ZNF419: variants seen among roughly 807,000 people sequenced by gnomAD.
ZNF419 encodes the protein zinc finger protein 419A.
Under a neutral mutation model 14.9 loss-of-function variants are expected in ZNF419, and 8 were observed. The observed-to-expected ratio is 0.54, with a 90% confidence interval of 0.32 to 0.97. The LOEUF (loss-of-function observed/expected upper bound fraction) is 0.97. Among genes scored for constraint, ZNF419 ranks in the 50% least tolerant of loss-of-function variants. The pLI is 0.04. For missense variants in ZNF419, 595 were observed against 607.2 expected (o/e 0.98, Z 0.21); for synonymous variants, 211 against 205.3 (o/e 1.03, Z -0.24).
chr19:57,490,329 G>C, intron 2 of ZNF419, 144 bp downstream of exon 2: 1 of 668,762 alleles, frequency 1.5e-6, no homozygotes, highest in Non-Finnish European at 2.6e-6. Flanking sequence ...ACACAGTCAG[G>C]GCCCTGAGTC....
At position 57,494,716 on chromosome 19, in the gene ZNF419, C is replaced by T. The variant is rs1369661281; in HGVS notation, c.*626C>T. The stretch of plus-strand genomic sequence containing the variant: ...GAATTGTGTTTTTATAATTTTCACC[C>T]TTTTGGCTGTGTAACAGGTCTGCAA... On this transcript the variant is annotated 3_prime_UTR_variant, in exon 5 of 5. Transcript: ENST00000221735. 5 of 177,370 alleles carry T rather than the reference C, an allele frequency of 2.8e-5. No homozygotes were observed. The highest frequency in any genetic ancestry group is 1.2e-4 in the African/African-American group (5 of 42,378). The allele number at this position is 177,370 out of a possible 1,614,324, so 11.0% of individuals were successfully genotyped here.
chr19:57,489,361 C>G (rs1465847183), intron 1 of ZNF419: 1 of 151,964 alleles, frequency 6.6e-6, no homozygotes, highest in African/African-American at 2.4e-5. Flanking sequence ...GTAAGCACTT[C>G]ATAATTGGTT....
chr19:57,489,828 CT>C (rs1383197536), intron 1 of ZNF419: 1 of 237,476 alleles, frequency 4.2e-6, no homozygotes, highest in African/African-American at 2.3e-5. Context: ...TTTATTTGCG[CT>C]GAAAATGTTG....
rs1222805533 is a variant in ZNF419, at chr19:57,494,723, C to G, written c.*633C>G. ...GTTTTTATAATTTTCACCCTTTTGG[C>G]TGTGTAACAGGTCTGCAAAGCTCCT... On this transcript the variant is annotated 3_prime_UTR_variant, in exon 5 of 5. Coordinates refer to ENST00000221735, the MANE Select transcript of ZNF419 (RefSeq NM_024691.4). 5.6e-6 allele frequency: 1 copy of G among 177,440 alleles called. No homozygotes were observed. Among genetic ancestry groups the G allele is most frequent in the African/African-American group, 2.4e-5 (1 of 42,522 alleles). The allele number at this position is 177,440 out of a possible 1,614,324, so 11.0% of individuals were successfully genotyped here.
intron 3 of ZNF419, 147 bp downstream of exon 3, chr19:57,491,744 G>C (rs1478308885): frequency 8.5e-7 from 1 of 1,171,736 alleles, no homozygotes; most frequent in Non-Finnish European, 1.2e-6. Flanking sequence ...AATAGGCCTG[G>C]GCTGTGTATA....
intron 1 of ZNF419, chr19:57,488,957 G>C (rs1041325307): frequency 3.3e-5 from 5 of 152,314 alleles, no homozygotes; most frequent in Non-Finnish European, 5.9e-5. Flanking sequence ...AGAGTATGAA[G>C]ACCCAGGACT....
Position 57,494,322 on chromosome 19 carries a change from C to A in ZNF419, c.*232C>A. The A allele has an allele frequency of 1.7e-6, 1 of 599,632 alleles. No homozygotes were observed. Among genetic ancestry groups the A allele is most frequent in the Non-Finnish European group, 2.7e-6 (1 of 364,068 alleles). The allele number at this position is 599,632 out of a possible 1,614,324, so 37.1% of individuals were successfully genotyped here. A position where few individuals can be genotyped will look rare whatever the true frequency, so the allele number is the denominator to read the frequency against. ...ACACTGGAGAAAGGCCTTAGGGTGA[C>A]AGGTTATGTACTGTCTCTGAATCAA... is the stretch of plus-strand genomic sequence containing the variant. On this transcript the variant is annotated 3_prime_UTR_variant, in exon 5 of 5. Transcript: ENST00000221735.
rs1159137584 is a variant in ZNF419 at position 57,495,387 on chromosome 19, T to G, written c.*1297T>G. 1.3e-5 allele frequency: 2 copies of G among 152,212 alleles called. No individual in the cohort carries two copies. The highest frequency in any genetic ancestry group is 2.4e-5 in the African/African-American group (1 of 41,468). The allele number at this position is 152,212 out of a possible 1,614,324, so 9.4% of individuals were successfully genotyped here. The stretch of plus-strand genomic sequence containing the variant: ...TATCCATTTGTTATTTTATTCATTG[T>G]GCATTTGGTGTTGCATCCTCTTACT... On this transcript the variant is annotated 3_prime_UTR_variant, in exon 5 of 5. Transcript: ENST00000221735.
rs747854839 is a variant in ZNF419 at position 57,493,869 on chromosome 19, C to G, written c.1312C>G (p.Gln438Glu). Residue 438 changes from glutamine to glutamate, a missense_variant, in exon 5 of 5, where the codon CAA (glutamine) becomes GAA (glutamate). Gln to Glu is a conservative substitution (Grantham distance 29). Transcript: ENST00000221735. ...ECRECGKFFS[Q>E]SSTLMQHRKV... ...CAGGGAATGTGGGAAATTTTTTAGCCAAAGCTCAACCCTCATGCAACATCG... is the reference window on the plus strand; with the variant it reads ...CAGGGAATGTGGGAAATTTTTTAGCGAAAGCTCAACCCTCATGCAACATCG... The G allele has an allele frequency of 4.3e-6, 7 of 1,613,802 alleles. No individual in the cohort carries two copies. The highest frequency in any genetic ancestry group is 5.9e-6 in the Non-Finnish European group (7 of 1,179,902).
chr19:57,492,618 C>G, intron 4 of ZNF419: 1 of 757,354 alleles, frequency 1.3e-6, no homozygotes. Flanking sequence ...GACACTGCCT[C>G]TCCTCCCTGT....
At chr19:57,491,740 C>A (rs1256878748) in intron 3 of ZNF419, 143 bp downstream of exon 3, 3 of 1,212,746 alleles carry the variant, frequency 2.5e-6, no homozygotes, top group African/African-American at 1.5e-5. Context: ...TTGTAATAGG[C>A]CTGGGCTGTG....
chr19:57,492,376 T>C (rs1221519616), intron 4 of ZNF419, 165 bp downstream of exon 4: 2 of 847,996 alleles, frequency 2.4e-6, no homozygotes, highest in Admixed American at 1.7e-5. Context: ...CCTAGGGCCA[T>C]TCCCCACCTC....
intron 2 of ZNF419, chr19:57,491,129 T>C (rs1258949165): frequency 2.8e-5 from 9 of 317,868 alleles, no homozygotes; most frequent in Non-Finnish European, 4.2e-5. Context: ...TGTAAACAGA[T>C]GTCCCCAGGA....
At position 57,490,190 on chromosome 19, in the gene ZNF419, G is replaced by A. The variant is rs2089451129; in HGVS notation, c.72+5G>A. The A allele has an allele frequency of 6.2e-7, 1 of 1,613,228 alleles. No homozygotes were observed. The highest frequency in any genetic ancestry group is 1.1e-5 in the South Asian group (1 of 90,770). ...TTGCTTACAGACCATGAGGAGGTAA[G>A]TGGAGGATGTCTCAGGTCCTCACAC... On this transcript the variant is annotated splice_donor_5th_base_variant and intron_variant, in intron 2 of 4. Transcript: ENST00000221735.
chr19:57,488,089 C>G (rs2089399699), intron 1 of ZNF419, 106 bp downstream of exon 1: 1 of 1,530,248 alleles, frequency 6.5e-7, no homozygotes, highest in Non-Finnish European at 8.9e-7. Flanking sequence ...CGCGGCGTCC[C>G]GTTTCTGACA....
rs1320831206 is a variant in ZNF419 at position 57,494,583 on chromosome 19, G to C, written c.*493G>C. Reference sequence around the variant, plus strand: ...TGAGTTTGGAGTTGGGGGAGGAAAGGAGTGGTCTTGGTTCAAATGTGACTC... The same window carrying C: ...TGAGTTTGGAGTTGGGGGAGGAAAGCAGTGGTCTTGGTTCAAATGTGACTC... On this transcript the variant is annotated 3_prime_UTR_variant, in exon 5 of 5. Transcript: ENST00000221735. 6.1e-6 allele frequency: 1 copy of C among 164,794 alleles called. No homozygotes were observed. Among genetic ancestry groups the C allele is most frequent in the East Asian group, 1.8e-4 (1 of 5,612 alleles). 10.2% of individuals were successfully genotyped at this position (164,794 alleles called of 1,614,324 possible). A position where few individuals can be genotyped will look rare whatever the true frequency, so the allele number is the denominator to read the frequency against.
rs117514898 is a variant in ZNF419 at position 57,489,827 on chromosome 19, G to A, written c.34-320G>A. 6.6e-4 allele frequency: 154 copies of A among 233,304 alleles called. 2 individuals are homozygous for A. In the East Asian group the frequency reaches 0.013, roughly 20 times the overall value. 14.5% of individuals were successfully genotyped at this position (233,304 alleles called of 1,614,324 possible). ...TTTGAAAACCTACCAGTTTATTTGCGCTGAAAATGTTGACAGAAGCATTAA... is the reference window on the plus strand; with the variant it reads ...TTTGAAAACCTACCAGTTTATTTGCACTGAAAATGTTGACAGAAGCATTAA... On this transcript the variant is annotated intron_variant, in intron 1 of 4. Transcript: ENST00000221735.
At chr19:57,492,670 C>A (rs751922718) in intron 4 of ZNF419, 186 bp from the exon 5 acceptor site, 9 of 865,314 alleles carry the variant, frequency 1.0e-5, no homozygotes, top group Non-Finnish European at 1.2e-5. Context: ...ATGAGGCCTC[C>A]CCAAATCCTT....
Position 57,494,167 on chromosome 19 carries a change from A to G in ZNF419, c.*77A>G, listed in dbSNP as rs916942735. ...TCACAGTGGAAAAAATCTTGAAGGT[A>G]ACAGATGGAAATCCGTTAGCCACAC... On this transcript the variant is annotated 3_prime_UTR_variant, in exon 5 of 5. Transcript: ENST00000221735. 6.5e-7 allele frequency: 1 copy of G among 1,527,808 alleles called. No homozygotes were observed. Among genetic ancestry groups the G allele is most frequent in the Non-Finnish European group, 8.8e-7 (1 of 1,142,652 alleles). 94.6% of individuals were successfully genotyped at this position (1,527,808 alleles called of 1,614,324 possible).
Sources: gnomAD v4.1 joint callset for allele counts on GRCh38, gnomAD v4.1.1 for gene constraint, MANE v1.5 for transcripts, NCBI Gene and HGNC (gene_info 2026-07-23, HGNC 2026-07-21) for gene names.